Variants in ZNF208 observed in about 807,000 individuals in gnomAD.
ZNF208 encodes the protein zinc finger protein 95.
In ZNF208, 10 loss-of-function variants were observed where a neutral mutation model predicts 12.1. The observed-to-expected ratio is 0.83, with a 90% CI of 0.51 to 1.40. ZNF208 has a LOEUF of 1.40. ZNF208 is among the 40% of genes most tolerant of loss of function. The pLI is 0.00. For synonymous variants in ZNF208, 497 were observed against 488.4 expected (o/e 1.02, Z -0.23); for missense variants, 1,652 against 1,485.0 (o/e 1.11, Z -1.85).
At chr19:21,976,490 C>T (rs1296303895) in intron 3 of ZNF208, among the ~76,000 whole-genome samples, 1 of 152,110 alleles carries the variant, frequency 6.6e-6, no homozygotes, top group Non-Finnish European at 1.5e-5. Context: ...AAAGTAACTC[C>T]TTCACTTTCA....
chr19:21,969,019 C>T lies in ZNF208; in HGVS notation c.*2172G>A, dbSNP rs1235725550. Among the ~76,000 whole-genome samples, 3 of 152,082 alleles carry T rather than the reference C, an allele frequency of 2.0e-5. No individual in the cohort carries two copies. The highest frequency in any genetic ancestry group is 4.4e-5 in the Non-Finnish European group (3 of 67,992). On this transcript the variant is annotated 3_prime_UTR_variant, in exon 4 of 4. Transcript: ENST00000397126. ...CTAATATGGTGAAACCCCATCTGTA[C>T]TAAAAATACAAAAAATTAGCTGGGA...
intron 1 of ZNF208, among the ~76,000 whole-genome samples, chr19:21,994,278 A>C (rs922841378): frequency 6.6e-6 from 1 of 152,210 alleles, no homozygotes; most frequent in African/African-American, 2.4e-5. Context: ...TTAATAAAAA[A>C]TTTGAAAAGT....
chr19:21,964,808 A>C (rs900072597), downstream of ZNF208, among the ~76,000 whole-genome samples: 3 of 151,886 alleles, frequency 2.0e-5, no homozygotes, highest in African/African-American at 7.2e-5. Flanking sequence ...GAATAATTTA[A>C]GTTTTCTCAG....
chr19:22,002,742 G>T (rs1414027664), intron 1 of ZNF208, among the ~76,000 whole-genome samples: 1 of 152,070 alleles, frequency 6.6e-6, no homozygotes, highest in East Asian at 1.9e-4. Context: ...GAATAAAAAA[G>T]ATCACTATCA....
At chr19:21,954,435 G>T (rs1568435189) in intron 4 of ZNF208, among the ~76,000 whole-genome samples, 2 of 152,128 alleles carry the variant, frequency 1.3e-5, no homozygotes, top group Admixed American at 6.5e-5. Flanking sequence ...AGACTGTGGT[G>T]GTAAAGTCTC....
At chr19:21,956,769 C>A (rs1224102198) in intron 4 of ZNF208, among the ~76,000 whole-genome samples, 2 of 152,176 alleles carry the variant, frequency 1.3e-5, no homozygotes, top group Non-Finnish European at 2.9e-5. Flanking sequence ...GGGATTACCC[C>A]AACCCCTTGC....
At chr19:22,009,805 GA>G (rs36041694) in intron 1 of ZNF208, among the ~76,000 whole-genome samples, 9 of 151,514 alleles carry the variant, frequency 5.9e-5, no homozygotes, top group Admixed American at 2.6e-4. Flanking sequence ...TACATTGGGG[GA>G]AAAAATTTCA....
chr19:21,942,100 A>T (rs768267159), intron 4 of ZNF208, among the ~76,000 whole-genome samples: 1 of 152,208 alleles, frequency 6.6e-6, no homozygotes, highest in Non-Finnish European at 1.5e-5. Context: ...ATGACAAAAT[A>T]GTAAAGAAAT....
intron 1 of ZNF208, among the ~76,000 whole-genome samples, chr19:22,008,322 A>G (rs1336435789): frequency 5.5e-4 from 75 of 137,438 alleles, no homozygotes; most frequent in African/African-American, 1.9e-3. Context: ...AAAAAGAAAA[A>G]AAAAACTGAG....
intron 1 of ZNF208, among the ~76,000 whole-genome samples, chr19:22,006,493 G>A (rs375607688): frequency 2.4e-4 from 36 of 152,124 alleles, no homozygotes; most frequent in African/African-American, 6.0e-4. Context: ...TTAGGGTTCC[G>A]TAAGACACCC....
At chr19:21,951,073 C>T (rs1232163944) in intron 4 of ZNF208, among the ~76,000 whole-genome samples, 1 of 152,176 alleles carries the variant, frequency 6.6e-6, no homozygotes, top group African/African-American at 2.4e-5. Context: ...ACATCTTAAA[C>T]ATGTAAATAG....
At chr19:21,954,889 G>A (rs1969948001) in intron 4 of ZNF208, among the ~76,000 whole-genome samples, 1 of 151,204 alleles carries the variant, frequency 6.6e-6, no homozygotes, top group Non-Finnish European at 1.5e-5. Context: ...GTTAGCTGTT[G>A]ATTTTGCTCA....
chr19:21,964,133 T>C (rs1970123223), downstream of ZNF208, among the ~76,000 whole-genome samples: 1 of 151,882 alleles, frequency 6.6e-6, no homozygotes, highest in Admixed American at 6.6e-5. Flanking sequence ...CAATCAAAAA[T>C]ACTACTAATA....
At chr19:21,949,328 G>A (rs564387617) in intron 4 of ZNF208, among the ~76,000 whole-genome samples, 15 of 152,266 alleles carry the variant, frequency 9.9e-5, no homozygotes, top group Middle Eastern at 3.4e-3. Flanking sequence ...AGGGAATATA[G>A]GGCCTCAAAA....
Position 21,973,731 on chromosome 19 carries a change from T to G in ZNF208, c.1303A>C (p.Asn435His), listed in dbSNP as rs201605382. The change falls in exon 4 of 4, where the codon AAC becomes CAC. Residue 435 changes from asparagine to histidine, a missense_variant. This residue lies in a region of ZNF208 where 1,239 missense variants were observed against 1,086.2 expected (regional missense o/e 1.14). Coordinates refer to ENST00000397126, the MANE Select transcript of ZNF208 (RefSeq NM_007153.3). ...YKCEECGKAF[N>H]WSSNLMEHKK... ...TGTTCCATAAGGTTTGAGGACCAGT[T>G]GAAAGCTTTGCCACATTCTTCACAT... is the stretch of plus-strand genomic sequence containing the variant. 30 of 1,613,690 alleles carry G rather than the reference T, an allele frequency of 1.9e-5. No homozygotes were observed. The highest frequency in any genetic ancestry group is 2.5e-5 in the Non-Finnish European group (29 of 1,179,876).
chr19:21,987,438 A>G, intron 2 of ZNF208, 127 bp from the exon 3 acceptor site: 2 of 1,054,274 alleles, frequency 1.9e-6, no homozygotes, highest in East Asian at 3.1e-5. Flanking sequence ...CTAAATTATA[A>G]TAAGTTGGGA....
rs1475011823 is a variant in ZNF208 at position 21,974,267 on chromosome 19, GA to G, written c.766del (p.Ser256ProfsTer22). On this transcript the variant is annotated frameshift_variant, in exon 4 of 4. Coordinates refer to ENST00000397126, the MANE Select transcript of ZNF208 (RefSeq NM_007153.3). LOFTEE classifies it low-confidence loss of function (END_TRUNC). The stretch of plus-strand genomic sequence containing the variant: ...CTTGCCACATTCTTCACATTTGTAG[GA>G]TTTCTCTCCAGTATGAATTACCTTA... The part of the protein sequence containing the change: ...KHKVIHTGEK[S>X]YKCEECGKAF... The G allele has an allele frequency of 6.2e-7, 1 of 1,612,814 alleles. No homozygotes were observed. The highest frequency in any genetic ancestry group is 8.5e-7 in the Non-Finnish European group (1 of 1,179,510).
At chr19:21,951,839 C>G (rs1969893505) in intron 4 of ZNF208, among the ~76,000 whole-genome samples, 1 of 152,196 alleles carries the variant, frequency 6.6e-6, no homozygotes, top group Non-Finnish European at 1.5e-5. Flanking sequence ...CAAAGCAGGA[C>G]AGGGTGTCAC....
At chr19:21,986,183 A>G (rs939610841) in intron 3 of ZNF208, among the ~76,000 whole-genome samples, 4 of 152,216 alleles carry the variant, frequency 2.6e-5, no homozygotes, top group African/African-American at 9.6e-5. Context: ...AAGAAAAATT[A>G]GTCAAAAAAA....
Sources: gnomAD v4.1 joint callset for allele counts (sites outside exome capture counted in the v4.1 genomes callset) on GRCh38, gnomAD v4.1.1 for gene constraint, gnomAD v4.1.1 regional missense constraint, MANE v1.5 for transcripts, NCBI Gene and HGNC (gene_info 2026-07-23, HGNC 2026-07-21) for gene names.